Variants in TBC1D5 observed in about 807,000 individuals in gnomAD.
TBC1D5 encodes the protein TBC1 domain family member 5.
TBC1D5 carries 75 observed loss-of-function variants against 100.3 expected under a neutral mutation model. The ratio of observed to expected loss-of-function variants is 0.75; its 90% CI spans 0.62 to 0.91. TBC1D5 has a LOEUF of 0.91. Among genes scored for constraint, TBC1D5 ranks in the 40% least tolerant of loss-of-function variants. TBC1D5 has a pLI of 0.00. For missense variants in TBC1D5, 910 were observed against 942.4 expected (o/e 0.97, Z 0.45); for synonymous variants, 323 against 325.6 (o/e 0.99, Z 0.09).
At chr3:17,582,702 C>T (rs1272122000) in intron 2 of TBC1D5, among the ~76,000 whole-genome samples, 2 of 135,072 alleles carry the variant, frequency 1.5e-5, no homozygotes, top group East Asian at 2.2e-4. Flanking sequence ...AAAAAAAATA[C>T]AGGCATAAAT....
intron 13 of TBC1D5, among the ~76,000 whole-genome samples, chr3:17,352,139 T>G (rs562101070): frequency 6.6e-6 from 1 of 152,244 alleles, no homozygotes; most frequent in Non-Finnish European, 1.5e-5. Context: ...AGCCAATTCC[T>G]ACTGATTAAT....
At chr3:17,440,486 G>A (rs1287186069) in intron 3 of TBC1D5, among the ~76,000 whole-genome samples, 1 of 151,830 alleles carries the variant, frequency 6.6e-6, no homozygotes, top group Admixed American at 6.6e-5. Flanking sequence ...GCATGGTGGC[G>A]TGCACCTGTG....
At chr3:17,258,480 A>G in intron 16 of TBC1D5, 26 bp downstream of exon 16, 1 of 1,594,404 alleles carries the variant, frequency 6.3e-7, no homozygotes. Context: ...GTGATTTATA[A>G]CTATCATCAG....
At chr3:17,415,736 T>C (rs1166081616) in intron 4 of TBC1D5, among the ~76,000 whole-genome samples, 1 of 152,118 alleles carries the variant, frequency 6.6e-6, no homozygotes, top group African/African-American at 2.4e-5. Flanking sequence ...ATACCAGCAA[T>C]CTCTGTGAAG....
chr3:17,453,071 T>A (rs2094964299), intron 3 of TBC1D5, among the ~76,000 whole-genome samples: 9 of 118,858 alleles, frequency 7.6e-5, no homozygotes, highest in South Asian at 2.4e-4. Context: ...AGCAGGTCAA[T>A]GAAGAAATAA....
chr3:17,702,416 C>T (rs977528649), intron 1 of TBC1D5: 1 of 151,978 alleles, frequency 6.6e-6, no homozygotes, highest in Non-Finnish European at 1.5e-5. Context: ...TCACAATAAC[C>T]TCATGGAATC....
chr3:17,301,066 C>T (rs1475113466), intron 14 of TBC1D5, among the ~76,000 whole-genome samples: 2 of 141,556 alleles, frequency 1.4e-5, no homozygotes, highest in Non-Finnish European at 3.0e-5. Context: ...AAAACTCCGT[C>T]TCAGAAAAAA....
chr3:17,175,925 T>C (rs1484981840), intron 19 of TBC1D5, among the ~76,000 whole-genome samples: 1 of 152,246 alleles, frequency 6.6e-6, no homozygotes, highest in African/African-American at 2.4e-5. Flanking sequence ...CAGCATGAGA[T>C]GCTTGTGGTG....
At chr3:17,206,670 C>G (rs62248253) in intron 18 of TBC1D5, among the ~76,000 whole-genome samples, 1,878 of 152,230 alleles carry the variant, frequency 0.012, 22 homozygotes, top group Non-Finnish European at 0.021. Flanking sequence ...GTGCTGTGAG[C>G]CTTCAGGTAA....
intron 4 of TBC1D5, among the ~76,000 whole-genome samples, chr3:17,424,798 A>G (rs1399623075): frequency 2.6e-5 from 4 of 152,180 alleles, no homozygotes; most frequent in Non-Finnish European, 1.5e-5. Flanking sequence ...GAAAAAAAAA[A>G]GTCTATGAGT....
Position 17,222,313 on chromosome 3 carries a change from C to G in TBC1D5, c.1589-7943G>C, listed in dbSNP as rs2733510. On this transcript the variant is annotated intron_variant, in intron 17 of 21. Transcript: ENST00000253692. ...ACTATCATTATCATGAACTTCTACA[C>G]TGGTAATTTTTAAACATTTCCTTAT... is the stretch of plus-strand genomic sequence containing the variant. 1.6e-3 allele frequency among the ~76,000 whole-genome samples: 236 copies of G among 152,058 alleles called. 2 individuals are homozygous for G. The highest frequency in any genetic ancestry group is 2.6e-3 in the Non-Finnish European group (179 of 67,952).
intron 13 of TBC1D5, among the ~76,000 whole-genome samples, chr3:17,362,673 T>C (rs1003720060): frequency 2.0e-5 from 3 of 152,134 alleles, no homozygotes; most frequent in African/African-American, 7.2e-5. Flanking sequence ...GGTTTCAGCA[T>C]GTTGGCCAGA....
intron 1 of TBC1D5, among the ~76,000 whole-genome samples, chr3:17,639,975 A>C (rs1053029268): frequency 2.0e-5 from 3 of 152,170 alleles, no homozygotes; most frequent in African/African-American, 7.2e-5. Flanking sequence ...ACATGAGATC[A>C]TGTATTTGCC....
intron 2 of TBC1D5, among the ~76,000 whole-genome samples, chr3:17,542,311 C>T (rs951464300): frequency 6.6e-6 from 1 of 152,014 alleles, no homozygotes; most frequent in Non-Finnish European, 1.5e-5. Context: ...AAACAAAATA[C>T]AAAAATTATA....
intron 14 of TBC1D5, among the ~76,000 whole-genome samples, chr3:17,296,482 A>G (rs2082270228): frequency 6.6e-6 from 1 of 152,246 alleles, no homozygotes; most frequent in Admixed American, 6.5e-5. Flanking sequence ...CTAAGTACAA[A>G]TGGCAAGAAA....
chr3:17,583,468 G>A (rs548788281), intron 2 of TBC1D5, among the ~76,000 whole-genome samples: 5 of 152,114 alleles, frequency 3.3e-5, no homozygotes, highest in South Asian at 2.1e-4. Context: ...GCTCATGCCT[G>A]TAATCCTAAC....
At chr3:17,525,136 AT>A (rs1394645267) in intron 2 of TBC1D5, among the ~76,000 whole-genome samples, 14 of 149,740 alleles carry the variant, frequency 9.3e-5, no homozygotes, top group Admixed American at 1.3e-4. Context: ...GGACATGAGG[AT>A]TTTTTTTTTG....
chr3:17,390,597 G>C (rs1377170614), intron 8 of TBC1D5, among the ~76,000 whole-genome samples: 1 of 151,998 alleles, frequency 6.6e-6, no homozygotes, highest in East Asian at 1.9e-4. Context: ...AGCACAGAAG[G>C]ACTTGAAGGA....
intron 2 of TBC1D5, among the ~76,000 whole-genome samples, chr3:17,548,762 C>G (rs2153442535): frequency 6.6e-6 from 1 of 152,084 alleles, no homozygotes; most frequent in South Asian, 2.1e-4. Flanking sequence ...AATAATAAAG[C>G]CATTCATTCA....
Sources: gnomAD v4.1 joint callset for allele counts (sites outside exome capture counted in the v4.1 genomes callset) on GRCh38, gnomAD v4.1.1 for gene constraint, MANE v1.5 for transcripts, NCBI Gene and HGNC (gene_info 2026-07-23, HGNC 2026-07-21) for gene names.